The following ZFAND6 variants were observed in gnomAD, a reference collection of about 807,000 sequenced individuals.
ZFAND6 encodes the protein zinc finger AN1-type containing 6.
Under a neutral mutation model 24.5 loss-of-function variants are expected in ZFAND6, and 12 were observed. The ratio of observed to expected loss-of-function variants is 0.49; its 90% CI spans 0.31 to 0.79. ZFAND6 has a LOEUF of 0.79. Among genes scored for constraint, ZFAND6 ranks in the 30% least tolerant of loss-of-function variants. The pLI is 0.04. For missense variants in ZFAND6, 207 were observed against 245.9 expected (o/e 0.84, Z 1.06); for synonymous variants, 92 against 81.5 (o/e 1.13, Z -0.69).
chr15:80,099,530 G>A (rs2038917410), intron 2 of ZFAND6, among the ~76,000 whole-genome samples: 1 of 150,292 alleles, frequency 6.7e-6, no homozygotes, highest in Non-Finnish European at 1.5e-5. Context: ...TGTGTTGACT[G>A]AAGGAAAATA....
At chr15:80,120,272 A>G (rs1300732533) in intron 2 of ZFAND6, 56 bp from the exon 3 acceptor site, 2 of 1,353,356 alleles carry the variant, frequency 1.5e-6, no homozygotes, top group East Asian at 5.1e-5. Context: ...GTTTTGGATA[A>G]TGTGTGATTG....
intron 4 of ZFAND6, 66 bp from the exon 5 acceptor site, chr15:80,122,634 G>A (rs1312466862): frequency 1.0e-5 from 10 of 1,003,282 alleles, no homozygotes; most frequent in Non-Finnish European, 1.6e-5. Flanking sequence ...AACTCTTACT[G>A]TGTCACATTA....
intron 2 of ZFAND6, among the ~76,000 whole-genome samples, chr15:80,111,715 A>G (rs189136429): frequency 1.6e-3 from 241 of 152,322 alleles, no homozygotes; most frequent in African/African-American, 5.6e-3. Flanking sequence ...TACTAGTTCA[A>G]AGTTTAATGT....
At chr15:80,124,169 C>T (rs575889813) in intron 5 of ZFAND6, among the ~76,000 whole-genome samples, 2 of 152,302 alleles carry the variant, frequency 1.3e-5, no homozygotes, top group Admixed American at 6.5e-5. Flanking sequence ...CGCGGTGGCT[C>T]ACGCCTGTAA....
At chr15:80,083,383 C>T (rs2037798155) in intron 1 of ZFAND6, among the ~76,000 whole-genome samples, 1 of 152,134 alleles carries the variant, frequency 6.6e-6, no homozygotes, top group Non-Finnish European at 1.5e-5. Context: ...TAAGCAACTA[C>T]TGGGTGCTAT....
intron 1 of ZFAND6, among the ~76,000 whole-genome samples, chr15:80,084,867 C>G (rs75392607): frequency 0.014 from 2,113 of 152,334 alleles, 61 homozygotes; most frequent in African/African-American, 0.049. Context: ...AGAATGTCTC[C>G]TAAGCTGCAG....
intron 1 of ZFAND6, among the ~76,000 whole-genome samples, chr15:80,085,510 C>T (rs1047650180): frequency 2.0e-5 from 3 of 152,192 alleles, no homozygotes; most frequent in African/African-American, 4.8e-5. Context: ...AACAGTTCCA[C>T]TTCTGAACTT....
At chr15:80,081,562 G>C (rs1039394982) in intron 1 of ZFAND6, among the ~76,000 whole-genome samples, 2 of 152,178 alleles carry the variant, frequency 1.3e-5, no homozygotes, top group Non-Finnish European at 2.9e-5. Flanking sequence ...ATACAGCAAA[G>C]GGAAGTGAGG....
intron 2 of ZFAND6, among the ~76,000 whole-genome samples, chr15:80,117,422 A>G (rs896907320): frequency 7.2e-5 from 11 of 152,062 alleles, no homozygotes; most frequent in East Asian, 1.9e-4. Context: ...CGGGGTTTCA[A>G]TGTCTTAGCC....
At chr15:80,115,619 C>A (rs1457403309) in intron 2 of ZFAND6, among the ~76,000 whole-genome samples, 1 of 151,960 alleles carries the variant, frequency 6.6e-6, no homozygotes, top group Non-Finnish European at 1.5e-5. Context: ...GGTTTTTTGT[C>A]TTTTTCAGTC....
In ZFAND6 at chr15:80,102,355, C is replaced by T. The variant is rs925685558; in HGVS notation, c.-18+3777C>T. 2.0e-5 allele frequency among the ~76,000 whole-genome samples: 3 copies of T among 150,884 alleles called. 1 individual carries two copies. The highest frequency in any genetic ancestry group is 3.0e-5 in the Non-Finnish European group (2 of 67,688). On this transcript the variant is annotated intron_variant, in intron 2 of 6. Transcript: ENST00000261749. Reference sequence around the variant, plus strand: ...AACTCCTGACCTCAGGTGATCCACCCGCCTCCCACTCGGCCTCCCAAAGTG... The same window carrying T: ...AACTCCTGACCTCAGGTGATCCACCTGCCTCCCACTCGGCCTCCCAAAGTG...
intron 1 of ZFAND6, among the ~76,000 whole-genome samples, chr15:80,063,047 T>C (rs184419174): frequency 6.6e-6 from 1 of 152,350 alleles, no homozygotes; most frequent in East Asian, 1.9e-4. Context: ...AATTACAGTA[T>C]CTTACTCTCT....
chr15:80,130,500 G>A (rs2040551025), intron 5 of ZFAND6: 1 of 152,138 alleles, frequency 6.6e-6, no homozygotes, highest in African/African-American at 2.4e-5. Flanking sequence ...TCTGACTCTG[G>A]CGACAGCATT....
intron 2 of ZFAND6, among the ~76,000 whole-genome samples, chr15:80,113,890 C>T (rs957564909): frequency 6.6e-6 from 1 of 151,976 alleles, no homozygotes; most frequent in Non-Finnish European, 1.5e-5. Flanking sequence ...GTGGTACAAG[C>T]AGCTTCCTTA....
intron 2 of ZFAND6, among the ~76,000 whole-genome samples, chr15:80,108,849 T>G (rs1308002582): frequency 6.6e-6 from 1 of 152,028 alleles, no homozygotes; most frequent in East Asian, 1.9e-4. Flanking sequence ...TGCCTTAGCC[T>G]CCAGAGTAGC....
chr15:80,059,093 T>C (rs2036192170), upstream of ZFAND6, among the ~76,000 whole-genome samples: 1 of 152,262 alleles, frequency 6.6e-6, no homozygotes, highest in Non-Finnish European at 1.5e-5. Flanking sequence ...CTTGCTTCTA[T>C]TTCCAAGTCC....
chr15:80,101,249 T>A (rs1340498890), intron 2 of ZFAND6, among the ~76,000 whole-genome samples: 4 of 152,006 alleles, frequency 2.6e-5, no homozygotes, highest in African/African-American at 9.7e-5. Context: ...GATCACAAGG[T>A]CAGGAGTTCA....
intron 5 of ZFAND6, among the ~76,000 whole-genome samples, chr15:80,128,649 A>C (rs2040470886): frequency 6.6e-6 from 1 of 152,228 alleles, no homozygotes; most frequent in Admixed American, 6.5e-5. Flanking sequence ...GTCAGCTATT[A>C]GTTTCAAGTA....
chr15:80,113,377 T>C lies in ZFAND6; in HGVS notation c.-17-6951T>C, dbSNP rs2039706544. Among the ~76,000 whole-genome samples the C allele has an allele frequency of 2.0e-5, 3 of 152,342 alleles. No homozygotes were observed. The Middle Eastern group carries it at 0.01, about 518-fold the overall frequency. ...AGCAACTAATTTTTTTAAAAAATAATAGGTACTGGCCAATCAAATATGGCT... is the reference window on the plus strand; with the variant it reads ...AGCAACTAATTTTTTTAAAAAATAACAGGTACTGGCCAATCAAATATGGCT... On this transcript the variant is annotated intron_variant, in intron 2 of 6. Transcript: ENST00000261749.
Sources: gnomAD v4.1 joint callset for allele counts (sites outside exome capture counted in the v4.1 genomes callset) on GRCh38, gnomAD v4.1.1 for gene constraint, MANE v1.5 for transcripts, NCBI Gene and HGNC (gene_info 2026-07-23, HGNC 2026-07-21) for gene names.